Variants in PLCH1 observed in about 807,000 individuals in gnomAD.
PLCH1 encodes phospholipase C eta 1, also known as 1-phosphatidylinositol 4,5-bisphosphate phosphodiesterase eta-1.
Under a neutral mutation model 126.7 loss-of-function variants are expected in PLCH1, and 60 were observed. That is an observed-to-expected ratio of 0.47 (90% CI 0.38 to 0.59). The LOEUF (loss-of-function observed/expected upper bound fraction) is 0.59, where lower values mean the gene tolerates loss of function less well. PLCH1 is among the 20% of genes least tolerant of loss of function. PLCH1 has a pLI of 0.00. For missense variants in PLCH1, 1,723 were observed against 2,040.0 expected (o/e 0.84, Z 2.99); for synonymous variants, 719 against 734.9 (o/e 0.98, Z 0.35).
chr3:155,494,637 T>C, intron 15 of PLCH1, 120 bp from the exon 16 acceptor site: 3 of 749,896 alleles, frequency 4.0e-6, no homozygotes, highest in Non-Finnish European at 6.5e-6. Flanking sequence ...CACTAGAGAG[T>C]GGATTCAACC....
At chr3:155,614,734 T>C (rs530054974) in intron 2 of PLCH1, among the ~76,000 whole-genome samples, 7 of 152,134 alleles carry the variant, frequency 4.6e-5, no homozygotes, top group East Asian at 1.9e-4. Flanking sequence ...AAGCCACATG[T>C]AGAAGAATGA....
Position 155,500,754 on chromosome 3 carries a change from T to A in PLCH1, c.1745A>T (p.Asp582Val). ...AGTACTCTGCTGTGTGTCTTCCTCA[T>A]CATCAGTACTGTAAGATTTAGACCG... The part of the protein sequence containing the change: ...KSRSKSYSTD[D>V]EEDTQQSTGK... The change falls in exon 14 of 23, where the codon GAT becomes GTT. Residue 582 changes from aspartate (D) to valine (V), a missense_variant. Asp to Val is a radical substitution (Grantham distance 152). Coordinates refer to ENST00000460012, the MANE Select transcript of PLCH1 (RefSeq NM_014996.4). The A allele has an allele frequency of 1.2e-6, 2 of 1,613,768 alleles. No individual in the cohort carries two copies.
chr3:155,595,515 G>T (rs957402377), intron 3 of PLCH1, among the ~76,000 whole-genome samples: 2 of 152,094 alleles, frequency 1.3e-5, no homozygotes, highest in Admixed American at 1.3e-4. Context: ...TGCATCAGTG[G>T]CCCCCAGGTT....
chr3:155,743,559 A>G (rs772636360), intron 1 of PLCH1: 6 of 453,680 alleles, frequency 1.3e-5, no homozygotes, highest in South Asian at 9.3e-5. Flanking sequence ...AAAGAAAATG[A>G]CCAGCTTGAG....
chr3:155,663,303 A>T (rs1264134531), intron 2 of PLCH1, among the ~76,000 whole-genome samples: 1 of 152,238 alleles, frequency 6.6e-6, no homozygotes, highest in Non-Finnish European at 1.5e-5. Context: ...AAATCTATGT[A>T]TATCTCTTTT....
chr3:155,683,433 A>G (rs1744685957), intron 2 of PLCH1, among the ~76,000 whole-genome samples: 1 of 152,200 alleles, frequency 6.6e-6, no homozygotes, highest in African/African-American at 2.4e-5. Flanking sequence ...AATCCATGAA[A>G]ATAACCAAGA....
chr3:155,596,810 A>G (rs1407962081), intron 2 of PLCH1, among the ~76,000 whole-genome samples: 1 of 152,212 alleles, frequency 6.6e-6, no homozygotes, highest in Non-Finnish European at 1.5e-5. Flanking sequence ...CAAAATGCTG[A>G]CTGTTGTTAA....
At chr3:155,624,336 A>G (rs1197108866) in intron 2 of PLCH1, among the ~76,000 whole-genome samples, 4 of 152,182 alleles carry the variant, frequency 2.6e-5, no homozygotes, top group Admixed American at 1.3e-4. Context: ...TTTGAAAACC[A>G]GCAAAAGACA....
intron 13 of PLCH1, 89 bp from the exon 14 acceptor site, chr3:155,500,883 C>T (rs1717794259): frequency 1.5e-5 from 12 of 823,484 alleles, no homozygotes. Flanking sequence ...TTAAAATGCA[C>T]ATGTGCACAA....
At chr3:155,570,104 T>C (rs1201613165) in intron 6 of PLCH1, among the ~76,000 whole-genome samples, 2 of 152,148 alleles carry the variant, frequency 1.3e-5, no homozygotes, top group African/African-American at 2.4e-5. Context: ...ATTGACTCTT[T>C]GCAAAATACA....
At chr3:155,529,951 G>A (rs989908064) in intron 10 of PLCH1, among the ~76,000 whole-genome samples, 2 of 152,202 alleles carry the variant, frequency 1.3e-5, no homozygotes, top group East Asian at 3.9e-4. Flanking sequence ...TTTTTTAGTA[G>A]AGATGGGGTT....
intron 2 of PLCH1, among the ~76,000 whole-genome samples, chr3:155,621,038 C>G (rs528050489): frequency 1.6e-4 from 24 of 152,270 alleles, no homozygotes; most frequent in African/African-American, 5.5e-4. Context: ...GCGGGTGCCC[C>G]TCTGGGACAA....
chr3:155,628,356 G>GGAAAAAA, intron 2 of PLCH1, among the ~76,000 whole-genome samples: 1 of 98,156 alleles, frequency 1.0e-5, no homozygotes, highest in African/African-American at 4.3e-5. Flanking sequence ...CTATGCCCAG[G>GGAAAAAA]AAAAAAAAAA....
At chr3:155,468,593 T>C (rs1713019899) in intron 21 of PLCH1, among the ~76,000 whole-genome samples, 1 of 152,174 alleles carries the variant, frequency 6.6e-6, no homozygotes, top group Admixed American at 6.5e-5. Flanking sequence ...GGAGTCACTA[T>C]ACTTACATCA....
intron 1 of PLCH1, among the ~76,000 whole-genome samples, chr3:155,709,011 G>A (rs1354216892): frequency 6.6e-6 from 1 of 152,132 alleles, no homozygotes; most frequent in Non-Finnish European, 1.5e-5. Context: ...TTTCCGGGAT[G>A]TCTTATGGTT....
chr3:155,621,576 T>C (rs1237312413), intron 2 of PLCH1, among the ~76,000 whole-genome samples: 4 of 152,164 alleles, frequency 2.6e-5, no homozygotes, highest in African/African-American at 4.8e-5. Flanking sequence ...AATTACCTGA[T>C]TGAGCTGAAA....
In PLCH1 at chr3:155,490,821, A is replaced by G; in HGVS notation, c.2355T>C (p.Asp785=). The change falls in exon 19 of 23, where the codon GAT becomes GAC. Residue 785 remains aspartate (D), a synonymous_variant. Coordinates refer to ENST00000460012, the MANE Select transcript of PLCH1 (RefSeq NM_014996.4). ...CCACACGGGTTTGATCTTTACAACA[A>G]TCTACTGGCAATCCAATAATTTCAA... ...VEVEIIGLPV[D]CCKDQTRVVD... 2 of 1,599,074 alleles carry G rather than the reference A, an allele frequency of 1.3e-6. No homozygotes were observed. Among genetic ancestry groups the G allele is most frequent in the Non-Finnish European group, 1.7e-6 (2 of 1,166,692 alleles).
chr3:155,636,843 C>CT (rs1738783174), intron 2 of PLCH1, among the ~76,000 whole-genome samples: 2 of 151,822 alleles, frequency 1.3e-5, no homozygotes, highest in South Asian at 4.2e-4. Flanking sequence ...ATGCTTATCT[C>CT]ACATAAGTGT....
chr3:155,544,247 A>G (rs1724856105), intron 10 of PLCH1, among the ~76,000 whole-genome samples: 1 of 152,240 alleles, frequency 6.6e-6, no homozygotes, highest in Non-Finnish European at 1.5e-5. Context: ...CTAGTCTCTG[A>G]TAAAACAGAT....
Sources: gnomAD v4.1 joint callset for allele counts (sites outside exome capture counted in the v4.1 genomes callset) on GRCh38, gnomAD v4.1.1 for gene constraint, MANE v1.5 for transcripts, NCBI Gene and HGNC (gene_info 2026-07-23, HGNC 2026-07-21) for gene names.